CDH23: variants seen among roughly 807,000 people sequenced by gnomAD.
CDH23 encodes cadherin-23.
In CDH23, 189 loss-of-function variants were observed where a neutral mutation model predicts 317.1. That is an observed-to-expected ratio of 0.60 (90% CI 0.53 to 0.67). The LOEUF (loss-of-function observed/expected upper bound fraction) is 0.67. CDH23 is among the 30% of genes least tolerant of loss of function. The pLI is 0.00. For synonymous variants in CDH23, 1,839 were observed against 1,876.8 expected (o/e 0.98, Z 0.52); for missense variants, 4,401 against 4,592.4 (o/e 0.96, Z 1.20).
intron 36 of CDH23, 124 bp downstream of exon 36, chr10:71,739,896 C>A (rs1839687554): frequency 2.6e-6 from 3 of 1,146,244 alleles, no homozygotes; most frequent in South Asian, 3.5e-5. Flanking sequence ...CTGCTGTCAC[C>A]AAGTAACATG....
intron 3 of CDH23, among the ~76,000 whole-genome samples, chr10:71,465,987 C>G (rs987235491): frequency 1.3e-5 from 2 of 152,202 alleles, no homozygotes; most frequent in African/African-American, 4.8e-5. Context: ...GCCTGTGCGT[C>G]ACCCCGGCCT....
intron 3 of CDH23, among the ~76,000 whole-genome samples, chr10:71,474,387 G>A (rs567901001): frequency 1.3e-5 from 2 of 152,120 alleles, no homozygotes; most frequent in African/African-American, 4.8e-5. Context: ...TGCCTCTGTC[G>A]CCTCCTTCAG....
At chr10:71,578,258 G>A (rs565747164) in intron 9 of CDH23, among the ~76,000 whole-genome samples, 3 of 152,290 alleles carry the variant, frequency 2.0e-5, no homozygotes, top group African/African-American at 4.8e-5. Context: ...GGGTGGGCGC[G>A]TGTGCCGCTG....
At position 71,654,994 on chromosome 10, in the gene CDH23, C is replaced by A. The variant is rs186128843; in HGVS notation, c.1449+8377C>A. Among the ~76,000 whole-genome samples, 15 of 152,258 alleles carry A rather than the reference C, an allele frequency of 9.9e-5. No individual in the cohort carries two copies. The East Asian group carries it at 2.9e-3, about 29-fold the overall frequency. On this transcript the variant is annotated intron_variant, in intron 14 of 69. Transcript: ENST00000224721. ...GAGAACGTCCAAGAATTTACACACA[C>A]GTAAATGTCATAGAAACACTCAGAG...
chr10:71,533,043 A>G (rs114670734), intron 6 of CDH23, among the ~76,000 whole-genome samples: 2,009 of 152,110 alleles, frequency 0.013, 50 homozygotes, highest in African/African-American at 0.046. Context: ...AGTATTTTTA[A>G]TTGTCTGTGT....
chr10:71,689,991 A>G (rs1418901948), intron 19 of CDH23, among the ~76,000 whole-genome samples: 1 of 152,214 alleles, frequency 6.6e-6, no homozygotes, highest in Non-Finnish European at 1.5e-5. Flanking sequence ...ACTGGAAATA[A>G]AAGTGAAGGC....
At chr10:71,538,943 G>A (rs981358291) in intron 6 of CDH23, among the ~76,000 whole-genome samples, 1 of 151,988 alleles carries the variant, frequency 6.6e-6, no homozygotes, top group Non-Finnish European at 1.5e-5. Flanking sequence ...GTGTAGGGAC[G>A]AGAGAACAAA....
At chr10:71,399,321 C>G (rs1847677803) in intron 1 of CDH23, among the ~76,000 whole-genome samples, 1 of 152,190 alleles carries the variant, frequency 6.6e-6, no homozygotes, top group South Asian at 2.1e-4. Flanking sequence ...TGGTAAGATC[C>G]TTGGGTGACT....
At chr10:71,492,510 C>A (rs1208960712) in intron 3 of CDH23, among the ~76,000 whole-genome samples, 1 of 152,196 alleles carries the variant, frequency 6.6e-6, no homozygotes, top group Non-Finnish European at 1.5e-5. Context: ...ACAAAGACAG[C>A]AGGACGCTCC....
chr10:71,694,732 T>G (rs1410351610), intron 21 of CDH23, among the ~76,000 whole-genome samples: 1 of 151,944 alleles, frequency 6.6e-6, no homozygotes, highest in African/African-American at 2.4e-5. Flanking sequence ...TCGAATGAGC[T>G]CTCGGCTGCA....
intron 6 of CDH23, among the ~76,000 whole-genome samples, chr10:71,559,671 C>A (rs929162056): frequency 6.6e-6 from 1 of 152,142 alleles, no homozygotes; most frequent in East Asian, 1.9e-4. Context: ...GCTGGGGAGA[C>A]CAGCTTAGGC....
chr10:71,803,563 A>G, intron 55 of CDH23, 143 bp downstream of exon 55: 1 of 737,570 alleles, frequency 1.4e-6, no homozygotes, highest in Non-Finnish European at 2.2e-6. Flanking sequence ...TTTTTTAATT[A>G]AATAAAAGTT....
chr10:71,440,766 G>A (rs978004431), intron 2 of CDH23, among the ~76,000 whole-genome samples: 28 of 152,310 alleles, frequency 1.8e-4, no homozygotes, highest in African/African-American at 6.7e-4. Flanking sequence ...GGCCAGGAGA[G>A]CAGGCATGCC....
In CDH23 at chr10:71,740,903, C is replaced by G; in HGVS notation, c.4570C>G (p.Pro1524Ala). The change falls in exon 37 of 70, where the codon CCT (proline) becomes GCT (alanine). Residue 1524 changes from proline to alanine, a missense_variant. Around this residue, in one of 3 missense-constraint regions of CDH23, gnomAD observed 3,068 missense variants for 3,203.3 expected, o/e 0.96. Coordinates refer to ENST00000224721, the MANE Select transcript of CDH23 (RefSeq NM_022124.6). Reference sequence around the variant, plus strand: ...GACCATCCTGGACATCAATGACAACCCTCCAGTCATCGAGAGCCCCTTTGG... The same window carrying G: ...GACCATCCTGGACATCAATGACAACGCTCCAGTCATCGAGAGCCCCTTTGG... ...QVTILDINDNPPVIESPFGYN... is the reference protein window; with the variant it reads ...QVTILDINDNAPVIESPFGYN... 6.2e-7 allele frequency: 1 copy of G among 1,613,964 alleles called. No homozygotes were observed. The highest frequency in any genetic ancestry group is 8.5e-7 in the Non-Finnish European group (1 of 1,179,870).
intron 3 of CDH23, among the ~76,000 whole-genome samples, chr10:71,466,033 G>C (rs1002991006): frequency 6.6e-6 from 1 of 152,166 alleles, no homozygotes; most frequent in Admixed American, 6.5e-5. Context: ...CCCCAGGGAC[G>C]GCTTCAACGC....
At chr10:71,514,224 G>T (rs1854150328) in intron 6 of CDH23, among the ~76,000 whole-genome samples, 1 of 152,134 alleles carries the variant, frequency 6.6e-6, no homozygotes, top group South Asian at 2.1e-4. Context: ...ATTTCCCAGG[G>T]GACTGGTTAG....
intron 14 of CDH23, among the ~76,000 whole-genome samples, chr10:71,654,846 C>T (rs1300981154): frequency 6.6e-6 from 1 of 152,088 alleles, no homozygotes; most frequent in African/African-American, 2.4e-5. Context: ...AGCTGCGTGG[C>T]GTTTTTCAAC....
chr10:71,414,242 G>T (rs1026904147), intron 1 of CDH23, among the ~76,000 whole-genome samples: 3 of 152,128 alleles, frequency 2.0e-5, no homozygotes, highest in Admixed American at 1.3e-4. Flanking sequence ...GCAATAGAAG[G>T]CATCCTTGTT....
At chr10:71,781,931 C>T (rs1185631444) in intron 41 of CDH23, among the ~76,000 whole-genome samples, 2 of 152,190 alleles carry the variant, frequency 1.3e-5, no homozygotes, top group Non-Finnish European at 2.9e-5. Context: ...CCTCCCACCT[C>T]GGGGTTCATG....
Sources: allele counts gnomAD v4.1 joint callset (sites outside exome capture counted in the v4.1 genomes callset), GRCh38; gene constraint gnomAD v4.1.1; regional missense constraint gnomAD v4.1.1; transcripts MANE v1.5; gene names NCBI Gene and HGNC (gene_info 2026-07-23, HGNC 2026-07-21).